TGFBRAP1: variants seen among roughly 807,000 people sequenced by gnomAD.
TGFBRAP1 encodes the protein transforming growth factor beta receptor associated protein 1, also known as transforming growth factor-beta receptor-associated protein 1.
A neutral mutation model predicts 83.2 loss-of-function variants in TGFBRAP1; 20 were observed. That is an observed-to-expected ratio of 0.24 (90% confidence interval 0.17 to 0.35). The LOEUF is 0.35. TGFBRAP1 is among the 10% of genes least tolerant of loss of function. The pLI, the probability that TGFBRAP1 is intolerant of heterozygous loss-of-function variation, is 1.00. For synonymous variants in TGFBRAP1, 415 were observed against 459.8 expected (o/e 0.90, Z 1.25); for missense variants, 950 against 1,099.4 (o/e 0.86, Z 1.92).
At chr2:105,311,145 TAAAAAA>T (rs11389565) in intron 1 of TGFBRAP1, among the ~76,000 whole-genome samples, 1 of 125,452 alleles carries the variant, frequency 8.0e-6, no homozygotes, top group African/African-American at 3.1e-5. Flanking sequence ...GAGAGAGCTG[TAAAAAA>T]AAAAAAAAAA....
intron 4 of TGFBRAP1, among the ~76,000 whole-genome samples, chr2:105,290,616 A>AGAGT (rs1677875902): frequency 7.1e-6 from 1 of 139,986 alleles, no homozygotes; most frequent in Non-Finnish European, 1.6e-5. Flanking sequence ...ACAGAGAGAC[A>AGAGT]GTGTGTGTGT....
chr2:105,273,238 G>A (rs1677221213), intron 9 of TGFBRAP1, among the ~76,000 whole-genome samples: 1 of 152,096 alleles, frequency 6.6e-6, no homozygotes, highest in Admixed American at 6.5e-5. Context: ...AGAAGTAAGG[G>A]CCACAGAATT....
the TGFBRAP1 span, among the ~76,000 whole-genome samples, chr2:105,253,045 C>G: frequency 7.9e-5 from 12 of 152,102 alleles, no homozygotes; most frequent in African/African-American, 2.7e-4. Flanking sequence ...TGAGCCACCA[C>G]GCCCAGCCAA....
At chr2:105,264,334 T>C (rs1384491229), downstream of TGFBRAP1, 2 of 152,196 alleles carry the variant, frequency 1.3e-5, no homozygotes, top group African/African-American at 4.8e-5. Flanking sequence ...AAGTCCTCTG[T>C]AGGTGCTAGG....
chr2:105,281,777 GGT>G (rs1486149919), intron 5 of TGFBRAP1, among the ~76,000 whole-genome samples: 1 of 152,010 alleles, frequency 6.6e-6, no homozygotes, highest in African/African-American at 2.4e-5. Context: ...CCTTTGCTGT[GGT>G]TGTTTCCTGG....
chr2:105,275,530 A>G, intron 8 of TGFBRAP1, 30 bp downstream of exon 8: 2 of 1,611,586 alleles, frequency 1.2e-6, no homozygotes, highest in Non-Finnish European at 8.5e-7. Context: ...TCCCCCAACC[A>G]AAGAGAATGC....
intron 1 of TGFBRAP1, among the ~76,000 whole-genome samples, chr2:105,321,368 G>C (rs1558657205): frequency 6.6e-6 from 1 of 151,910 alleles, no homozygotes; most frequent in African/African-American, 2.4e-5. Context: ...GGGTTTCACT[G>C]TGTTGGCCAG....
At chr2:105,289,043 G>C (rs1445058153) in intron 4 of TGFBRAP1, among the ~76,000 whole-genome samples, 1 of 152,098 alleles carries the variant, frequency 6.6e-6, no homozygotes, top group Non-Finnish European at 1.5e-5. Context: ...ACATGTGTTT[G>C]GTGAAACAAA....
At chr2:105,250,788 C>T in the TGFBRAP1 span, among the ~76,000 whole-genome samples, 1 of 152,136 alleles carries the variant, frequency 6.6e-6, no homozygotes, top group Non-Finnish European at 1.5e-5. Flanking sequence ...CGAGTGCCTG[C>T]GATTGCAGGC....
At position 105,300,790 on chromosome 2, in the gene TGFBRAP1, G is replaced by T. The variant is rs192831831; in HGVS notation, c.689-2085C>A. 1.2e-4 allele frequency among the ~76,000 whole-genome samples: 18 copies of T among 152,194 alleles called. 1 individual carries two copies. In the East Asian group the frequency reaches 2.9e-3, roughly 24 times the overall value. ...GGTATTGGCACGTGAATAGGCAAAT[G>T]AACTGACAGAATAAAACAGAAAATC... On this transcript the variant is annotated intron_variant, in intron 2 of 11. Transcript: ENST00000393359.
chr2:105,279,436 T>C (rs1300050729), intron 6 of TGFBRAP1, among the ~76,000 whole-genome samples: 1 of 152,098 alleles, frequency 6.6e-6, no homozygotes, highest in Non-Finnish European at 1.5e-5. Flanking sequence ...TTCTTCTTAA[T>C]TTTTAGTAAA....
At chr2:105,319,212 C>A (rs2104414790) in intron 1 of TGFBRAP1, among the ~76,000 whole-genome samples, 1 of 152,030 alleles carries the variant, frequency 6.6e-6, no homozygotes, top group East Asian at 2.0e-4. Flanking sequence ...AGGCGTGCAT[C>A]ATTTTGCCCA....
chr2:105,271,908 C>A (rs116702540), intron 10 of TGFBRAP1, among the ~76,000 whole-genome samples: 1 of 152,254 alleles, frequency 6.6e-6, no homozygotes, highest in East Asian at 1.9e-4. Context: ...ACTAGCTACA[C>A]GTTTCCTTTT....
downstream of TGFBRAP1, among the ~76,000 whole-genome samples, chr2:105,263,349 G>A (rs992374154): frequency 2.6e-5 from 4 of 152,242 alleles, no homozygotes; most frequent in Non-Finnish European, 5.9e-5. Flanking sequence ...GCCAATGCGA[G>A]TCCACCCTGG....
At position 105,300,377 on chromosome 2, in the gene TGFBRAP1, A is replaced by G. The variant is rs1008354386; in HGVS notation, c.689-1672T>C. Among the ~76,000 whole-genome samples, 4 of 151,922 alleles carry G rather than the reference A, an allele frequency of 2.6e-5. No individual in the cohort carries two copies. In the East Asian group the frequency reaches 7.7e-4, roughly 29 times the overall value. On this transcript the variant is annotated intron_variant, in intron 2 of 11. Transcript: ENST00000393359. ...ACACAGTGCATCATAAAGATTATTG[A>G]CTATTATTTCCCATCAATCCTAACA...
chr2:105,318,259 G>A (rs1270934662), intron 1 of TGFBRAP1, among the ~76,000 whole-genome samples: 7 of 152,114 alleles, frequency 4.6e-5, no homozygotes, highest in East Asian at 1.9e-4. Flanking sequence ...AACTAGAGCC[G>A]CCCACAAGGA....
chr2:105,252,145 T>A, the TGFBRAP1 span, among the ~76,000 whole-genome samples: 1,614 of 149,306 alleles, frequency 0.011, 13 homozygotes, highest in Middle Eastern at 0.031. Flanking sequence ...ATAAAAAAAA[T>A]AAATAAATAA....
At chr2:105,253,804 A>C in the TGFBRAP1 span, among the ~76,000 whole-genome samples, 1 of 152,242 alleles carries the variant, frequency 6.6e-6, no homozygotes, top group South Asian at 2.1e-4. Flanking sequence ...TTGTAAAAAC[A>C]AAACAAAAAC....
At chr2:105,270,455 T>C (rs1023448670) in intron 10 of TGFBRAP1, among the ~76,000 whole-genome samples, 1 of 152,200 alleles carries the variant, frequency 6.6e-6, no homozygotes, top group East Asian at 1.9e-4. Flanking sequence ...CCAGCCCTTA[T>C]CTGCATTGCA....
Sources: gnomAD v4.1 joint callset for allele counts (sites outside exome capture counted in the v4.1 genomes callset) on GRCh38, gnomAD v4.1.1 for gene constraint, MANE v1.5 for transcripts, NCBI Gene and HGNC (gene_info 2026-07-23, HGNC 2026-07-21) for gene names.